Variants in PSMD6 observed in about 807,000 individuals in gnomAD.
PSMD6 encodes the protein 26S proteasome non-ATPase regulatory subunit 6.
In PSMD6, 7 loss-of-function variants were observed where a neutral mutation model predicts 44.9. The ratio of observed to expected loss-of-function variants is 0.16; its 90% CI spans 0.09 to 0.29. The LOEUF (loss-of-function observed/expected upper bound fraction) is 0.29, where lower values mean the gene tolerates loss of function less well. Among genes scored for constraint, PSMD6 ranks in the 10% least tolerant of loss-of-function variants. The pLI is 1.00. For synonymous variants in PSMD6, 184 were observed against 172.7 expected (o/e 1.07, Z -0.51); for missense variants, 420 against 482.6 (o/e 0.87, Z 1.21).
At chr3:64,015,660 T>TA (rs2076031764) in intron 5 of PSMD6, 1 of 152,162 alleles carries the variant, frequency 6.6e-6, no homozygotes. Context: ...AAACAGCATA[T>TA]AAAATACATC....
intron 2 of PSMD6, 67 bp from the exon 3 acceptor site, chr3:64,019,508 C>T: frequency 6.6e-7 from 1 of 1,509,160 alleles, no homozygotes; most frequent in South Asian, 1.2e-5. Flanking sequence ...TATCAGCTGT[C>T]TGGGATTTTC....
intron 2 of PSMD6, chr3:64,019,856 T>A (rs1457037628): frequency 6.5e-6 from 1 of 154,924 alleles, no homozygotes; most frequent in African/African-American, 2.4e-5. Context: ...TTTGTAAATA[T>A]ATAATTTTCT....
intron 6 of PSMD6, 60 bp from the exon 7 acceptor site, chr3:64,011,015 A>G (rs1303769275): frequency 1.5e-6 from 2 of 1,341,624 alleles, no homozygotes; most frequent in African/African-American, 1.5e-5. Context: ...GAAAAATGCA[A>G]ACGGCATTAA....
chr3:64,019,085 A>G, intron 3 of PSMD6, 48 bp from the exon 4 acceptor site: 1 of 1,507,550 alleles, frequency 6.6e-7, no homozygotes, highest in Non-Finnish European at 9.1e-7. Context: ...AGACAAGGCC[A>G]CGTTTTAAAA....
At chr3:64,015,075 G>T (rs1403240914) in intron 5 of PSMD6, 1 of 152,168 alleles carries the variant, frequency 6.6e-6, no homozygotes, top group East Asian at 1.9e-4. Flanking sequence ...GCAACATGGA[G>T]ATCAATGGCC....
chr3:64,022,263 A>G, intron 2 of PSMD6, 55 bp downstream of exon 2: 1 of 1,567,088 alleles, frequency 6.4e-7, no homozygotes, highest in Non-Finnish European at 8.8e-7. Context: ...TACCTGGAAT[A>G]GTCTCCAATT....
chr3:64,017,912 TATC>T (rs1428449079), intron 5 of PSMD6, among the ~76,000 whole-genome samples: 1 of 152,232 alleles, frequency 6.6e-6, no homozygotes, highest in Non-Finnish European at 1.5e-5. Context: ...CTGATTCTTC[TATC>T]ATCTTAATAG....
chr3:64,023,720 A>G (rs2076172110), upstream of PSMD6: 1 of 1,488,476 alleles, frequency 6.7e-7, no homozygotes, highest in Non-Finnish European at 9.0e-7. Context: ...CTTTTTAGCT[A>G]TTTTACTTTC....
At position 64,019,133 on chromosome 3, in the gene PSMD6, C is replaced by T. The variant is rs2076092403; in HGVS notation, c.498-96G>A. 8 of 1,406,920 alleles carry T rather than the reference C, an allele frequency of 5.7e-6. No individual in the cohort carries two copies. In the South Asian group the frequency reaches 1.0e-4, roughly 18 times the overall value. The allele number at this position is 1,406,920 out of a possible 1,614,324, so 87.2% of individuals were successfully genotyped here. A position where few individuals can be genotyped will look rare whatever the true frequency, so the allele number is the denominator to read the frequency against. On this transcript the variant is annotated intron_variant, in intron 3 of 7. Transcript: ENST00000295901. ...TTTGAAATGAGAAAACAACTTTTAA[C>T]AACTTGAACCGAAAGGAGATATTTA...
In PSMD6 at chr3:64,018,945, G is replaced by C; in HGVS notation, c.590C>G (p.Ala197Gly). The C allele has an allele frequency of 6.2e-7, 1 of 1,610,014 alleles. No homozygotes were observed. The highest frequency in any genetic ancestry group is 8.5e-7 in the Non-Finnish European group (1 of 1,176,326). The change falls in exon 4 of 8, where the codon GCA becomes GGA. Residue 197 changes from alanine to glycine, a missense_variant. By Grantham distance (60) the Ala-to-Gly change is moderately conservative (BLOSUM62 0). Coordinates refer to ENST00000295901, the MANE Select transcript of PSMD6 (RefSeq NM_014814.3). ...AACAGTGTCAAGGAAGAGTTCAGCT[G>C]CCTGTTTGAAATCACGAATAGCCAC... ...YCVAIRDFKQ[A>G]AELFLDTVST...
chr3:64,023,179 G>A (rs2076160746), intron 1 of PSMD6, 96 bp downstream of exon 1: 1 of 1,443,246 alleles, frequency 6.9e-7, no homozygotes, highest in Non-Finnish European at 9.1e-7. Flanking sequence ...CCCGTCAGAG[G>A]GGTCTGGAGC....
chr3:64,012,860 G>C (rs905487400), intron 6 of PSMD6: 1 of 152,214 alleles, frequency 6.6e-6, no homozygotes, highest in African/African-American at 2.4e-5. Context: ...ATTTCTATAT[G>C]TGAAATTACG....
At chr3:64,021,071 A>C (rs1175707754) in intron 2 of PSMD6, among the ~76,000 whole-genome samples, 1 of 152,184 alleles carries the variant, frequency 6.6e-6, no homozygotes. Context: ...ATTTAAAAAA[A>C]AGAAGAAAAA....
At chr3:64,023,201 A>G in intron 1 of PSMD6, 74 bp downstream of exon 1, 1 of 1,471,454 alleles carries the variant, frequency 6.8e-7, no homozygotes, top group African/African-American at 1.4e-5. Context: ...CCATCAAAAA[A>G]AGTCCCCGCA....
rs1230316248 is a variant in PSMD6, at chr3:64,018,939, T to G, written c.596A>C (p.Glu199Ala). The change falls in exon 4 of 8, where the codon GAA becomes GCA. Residue 199 changes from glutamate to alanine, a missense_variant. Transcript: ENST00000295901. ...TGTTGAAACAGTGTCAAGGAAGAGT[T>G]CAGCTGCCTGTTTGAAATCACGAAT... is the stretch of plus-strand genomic sequence containing the variant. ...VAIRDFKQAA[E>A]LFLDTVSTFT... The G allele has an allele frequency of 1.2e-6, 2 of 1,608,484 alleles. No homozygotes were observed. The highest frequency in any genetic ancestry group is 2.7e-5 in the African/African-American group (2 of 74,750).
At position 64,022,454 on chromosome 3, in the gene PSMD6, T is replaced by A; in HGVS notation, c.215A>T (p.Lys72Ile). The A allele has an allele frequency of 1.2e-6, 2 of 1,614,192 alleles. No individual in the cohort carries two copies. Among genetic ancestry groups the A allele is most frequent in the Non-Finnish European group, 1.7e-6 (2 of 1,179,996 alleles). ...CTCATCTTCATTTGCCTTCTTCATT[T>A]TATTGAGTAGGTCCACGTCTATCTG... is the stretch of plus-strand genomic sequence containing the variant. ...DWQIDVDLLN[K>I]MKKANEDELK... The change falls in exon 2 of 8, where the codon AAA (lysine) becomes ATA (isoleucine). Residue 72 changes from lysine to isoleucine, a missense_variant. Transcript: ENST00000295901.
At chr3:64,022,250 G>T in intron 2 of PSMD6, 68 bp downstream of exon 2, 3 of 1,517,702 alleles carry the variant, frequency 2.0e-6, no homozygotes, top group South Asian at 2.4e-5. Flanking sequence ...AATGAGAAAC[G>T]ATTACCTGGA....
chr3:64,022,250 G>A, intron 2 of PSMD6, 68 bp downstream of exon 2: 2 of 1,517,704 alleles, frequency 1.3e-6, no homozygotes, highest in South Asian at 1.2e-5. Flanking sequence ...AATGAGAAAC[G>A]ATTACCTGGA....
At chr3:64,017,623 CTCA>C (rs1476422689) in intron 5 of PSMD6, 4 of 152,184 alleles carry the variant, frequency 2.6e-5, no homozygotes, top group African/African-American at 9.7e-5. Context: ...AAGTGAGTTA[CTCA>C]TCATGCTCGG....
Sources: gnomAD v4.1 joint callset for allele counts (sites outside exome capture counted in the v4.1 genomes callset) on GRCh38, gnomAD v4.1.1 for gene constraint, MANE v1.5 for transcripts, NCBI Gene and HGNC (gene_info 2026-07-23, HGNC 2026-07-21) for gene names.